GGA1: variants seen among roughly 807,000 people sequenced by gnomAD.
GGA1 encodes the protein golgi associated, gamma adaptin ear containing, ARF binding protein 1.
GGA1 carries 18 observed loss-of-function variants against 76.9 expected under a neutral mutation model. The observed-to-expected ratio is 0.23, with a 90% confidence interval of 0.16 to 0.35. GGA1 has a LOEUF of 0.35. Among genes scored for constraint, GGA1 ranks in the 10% least tolerant of loss-of-function variants. The pLI, the probability that GGA1 is intolerant of heterozygous loss-of-function variation, is 1.00. For missense variants in GGA1, 755 were observed against 859.0 expected (o/e 0.88, Z 1.51); for synonymous variants, 342 against 354.7 (o/e 0.96, Z 0.40).
chr22:37,617,057 A>G, intron 3 of GGA1, 60 bp downstream of exon 3: 1 of 1,557,856 alleles, frequency 6.4e-7, no homozygotes, highest in Non-Finnish European at 8.7e-7. Flanking sequence ...AGGGAGGCCA[A>G]GACTGAGGTT....
chr22:37,620,443 G>A, intron 5 of GGA1, 82 bp downstream of exon 5: 1 of 1,482,342 alleles, frequency 6.7e-7, no homozygotes. Flanking sequence ...CGGCTTCAGG[G>A]GCTTCTGAGC....
rs570838598 is a variant in GGA1 at position 37,622,902 on chromosome 22, T to C, written c.610-425T>C. On this transcript the variant is annotated intron_variant, in intron 7 of 16. Coordinates refer to ENST00000343632, the MANE Select transcript of GGA1 (RefSeq NM_013365.5). Reference sequence around the variant, plus strand: ...GCACCGACAGACACTGGAAGGGTCTTCCTGCTCGTTTCCAGGCTGTACCTG... The same window carrying C: ...GCACCGACAGACACTGGAAGGGTCTCCCTGCTCGTTTCCAGGCTGTACCTG... 2.0e-5 allele frequency among the ~76,000 whole-genome samples: 3 copies of C among 152,340 alleles called. No individual in the cohort carries two copies. In the East Asian group the frequency reaches 5.8e-4, roughly 29 times the overall value.
At chr22:37,619,713 C>T (rs1929528733) in intron 4 of GGA1, 1 of 722,104 alleles carries the variant, frequency 1.4e-6, no homozygotes, top group Non-Finnish European at 2.6e-6. Flanking sequence ...AGTGACAGCC[C>T]ACCCCCTTGG....
intron 11 of GGA1, 123 bp downstream of exon 11, chr22:37,626,072 G>A (rs1601546382): frequency 1.5e-6 from 1 of 686,532 alleles, no homozygotes; most frequent in East Asian, 2.9e-5. Flanking sequence ...GCACGTGGAT[G>A]AGCATTAGGC....
In GGA1 at chr22:37,623,174, C is replaced by T. The variant is rs1930192474; in HGVS notation, c.610-153C>T. On this transcript the variant is annotated intron_variant, in intron 7 of 16. Coordinates refer to ENST00000343632, the MANE Select transcript of GGA1 (RefSeq NM_013365.5). The surrounding 1 kb of genome is among the most constrained non-coding windows in gnomAD (Gnocchi z 4.6). ...GTGCCCTTCCTAGGCATGAGGGGCT[C>T]CTGGCAGGGCCTGCTGGAGCCCCAC... Among the ~76,000 whole-genome samples, 1 of 152,162 alleles carries T rather than the reference C, an allele frequency of 6.6e-6. No individual in the cohort carries two copies. Among genetic ancestry groups the T allele is most frequent in the East Asian group, 1.9e-4 (1 of 5,188 alleles).
Position 37,625,785 on chromosome 22 carries a change from T to A in GGA1, c.941-12T>A. ...CACCCAGGACTTGCCAGCCTCTTCT[T>A]TCCCACCCCAGGGAGCACCTCGGCC... is the stretch of plus-strand genomic sequence containing the variant. On this transcript the variant is annotated splice_polypyrimidine_tract_variant and intron_variant, in intron 10 of 16. Coordinates refer to ENST00000343632, the MANE Select transcript of GGA1 (RefSeq NM_013365.5). The surrounding 1 kb of genome is among the most constrained non-coding windows in gnomAD (Gnocchi z 4.1). The A allele has an allele frequency of 6.5e-7, 1 of 1,540,790 alleles. No individual in the cohort carries two copies. Among genetic ancestry groups the A allele is most frequent in the Non-Finnish European group, 8.8e-7 (1 of 1,136,856 alleles).
intron 4 of GGA1, chr22:37,619,670 C>G (rs941767670): frequency 1.3e-5 from 8 of 620,894 alleles, no homozygotes; most frequent in Non-Finnish European, 2.4e-5. Context: ...GCCATGGCCT[C>G]CGGCCTACTG....
intron 11 of GGA1, among the ~76,000 whole-genome samples, chr22:37,628,400 A>G (rs895002405): frequency 7.9e-5 from 12 of 152,154 alleles, no homozygotes; most frequent in Admixed American, 2.6e-4. Flanking sequence ...TCACCCCCCA[A>G]TATCACACAG....
intron 11 of GGA1, chr22:37,626,692 A>G (rs1930907129): frequency 6.6e-6 from 1 of 152,212 alleles, no homozygotes; most frequent in African/African-American, 2.4e-5. Flanking sequence ...TGAAGCAAAA[A>G]CCAGACCCGA....
Position 37,623,801 on chromosome 22 carries a change from G to C in GGA1, c.832+168G>C. 2 of 598,152 alleles carry C rather than the reference G, an allele frequency of 3.3e-6. No homozygotes were observed. Among genetic ancestry groups the C allele is most frequent in the Non-Finnish European group, 6.0e-6 (2 of 331,386 alleles). 37.1% of individuals were successfully genotyped at this position (598,152 alleles called of 1,614,324 possible). The stretch of plus-strand genomic sequence containing the variant: ...TCTCCTCTCTGAGGACACAGAGCAG[G>C]GGCCGCCCCCCTGTTGAGAGGCCCT... On this transcript the variant is annotated intron_variant, in intron 9 of 16. Coordinates refer to ENST00000343632, the MANE Select transcript of GGA1 (RefSeq NM_013365.5). This position sits in a 1 kb window ranked among gnomAD's most constrained non-coding sequence, Gnocchi z 4.6.
intron 3 of GGA1, chr22:37,617,614 G>C: frequency 1.2e-6 from 1 of 848,878 alleles, no homozygotes; most frequent in South Asian, 5.4e-5. Context: ...CAGGAGGCTT[G>C]CTTGAGGCAA....
intron 11 of GGA1, 102 bp downstream of exon 11, chr22:37,626,051 G>A (rs921711777): frequency 3.4e-6 from 3 of 877,498 alleles, no homozygotes; most frequent in South Asian, 2.3e-5. Flanking sequence ...CCCAGGTGTG[G>A]ATCCTGTGGG....
intron 2 of GGA1, among the ~76,000 whole-genome samples, chr22:37,616,094 G>C (rs1034477621): frequency 6.6e-6 from 1 of 151,982 alleles, no homozygotes; most frequent in Non-Finnish European, 1.5e-5. Flanking sequence ...CACCTGCCTC[G>C]GCCTCCCAAA....
At position 37,630,162 on chromosome 22, in the gene GGA1, A is replaced by C. The variant is rs371105985; in HGVS notation, c.1323A>C (p.Gln441His). ...AGTCGCTGCCCCCGGAATCCCAGCAAGTGCGGTGGTGAGGGCCCACCATGG... is the reference window on the plus strand; with the variant it reads ...AGTCGCTGCCCCCGGAATCCCAGCACGTGCGGTGGTGAGGGCCCACCATGG... ...LQQSLPPESQ[Q>H]VRWEKQQPTP... Residue 441 changes from glutamine (Q) to histidine (H), a missense_variant, in exon 13 of 17, where the codon CAA becomes CAC. Gln to His is a conservative substitution (Grantham distance 24). Transcript: ENST00000343632. 1.9e-6 allele frequency: 3 copies of C among 1,581,784 alleles called. No homozygotes were observed. The highest frequency in any genetic ancestry group is 2.6e-6 in the Non-Finnish European group (3 of 1,165,864).
intron 3 of GGA1, chr22:37,618,071 G>A (rs1005312479): frequency 2.9e-4 from 45 of 157,886 alleles, no homozygotes; most frequent in African/African-American, 1.0e-3. Flanking sequence ...ACAGTGAGCC[G>A]AGATCGTGCT....
rs1039335392 is a variant in GGA1, at chr22:37,620,105, G to A, written c.304-133G>A. On this transcript the variant is annotated intron_variant, in intron 4 of 16. Transcript: ENST00000343632. The stretch of plus-strand genomic sequence containing the variant: ...TCAGTCTACCCCAGGCTGGTTGGGC[G>A]GGGCTATGAGGACCCTGTAGGCTAG... 2.2e-4 allele frequency: 203 copies of A among 912,540 alleles called. 1 individual carries two copies. The highest frequency in any genetic ancestry group is 2.5e-5 in the Non-Finnish European group (14 of 568,450). The allele number at this position is 912,540 out of a possible 1,614,324, so 56.5% of individuals were successfully genotyped here.
intron 1 of GGA1, chr22:37,612,821 A>C (rs1284373844): frequency 1.6e-6 from 1 of 616,540 alleles, no homozygotes; most frequent in Non-Finnish European, 2.0e-6. Flanking sequence ...AAGATGGGGA[A>C]ATGGAGGTTC....
chr22:37,610,752 GTTGTGAAACACCTCC>G (rs1927373653), intron 1 of GGA1: 1 of 152,254 alleles, frequency 6.6e-6, no homozygotes, highest in African/African-American at 2.4e-5. Context: ...GTCTTACCCT[GTTGTGAAACACCTCC>G]CTCCCTCTCT....
chr22:37,624,417 G>C lies in GGA1; in HGVS notation c.833-552G>C, dbSNP rs1305618744. ...GTTCAAGACCAGCCTGGGTAACATA[G>C]AGAGACCCAGTCTCTATTTCAAATA... On this transcript the variant is annotated intron_variant, in intron 9 of 16. Coordinates refer to ENST00000343632, the MANE Select transcript of GGA1 (RefSeq NM_013365.5). The surrounding 1 kb of genome is among the most constrained non-coding windows in gnomAD (Gnocchi z 4.3). 1 of 148,784 alleles carries C rather than the reference G, an allele frequency of 6.7e-6. No individual in the cohort carries two copies. The highest frequency in any genetic ancestry group is 1.5e-5 in the Non-Finnish European group (1 of 67,772). 9.2% of individuals were successfully genotyped at this position (148,784 alleles called of 1,614,324 possible).
Sources: allele counts gnomAD v4.1 joint callset (sites outside exome capture counted in the v4.1 genomes callset), GRCh38; gene constraint gnomAD v4.1.1; non-coding constraint Gnocchi (gnomAD v3.1); transcripts MANE v1.5; gene names NCBI Gene and HGNC (gene_info 2026-07-23, HGNC 2026-07-21).